The following CADM2 variants were observed in gnomAD, a reference collection of about 807,000 sequenced individuals.
CADM2 encodes the protein cell adhesion molecule 2.
In CADM2, 12 loss-of-function variants were observed where a neutral mutation model predicts 49.8. The observed-to-expected ratio is 0.24, with a 90% CI of 0.15 to 0.39. The LOEUF is 0.39. Among genes scored for constraint, CADM2 ranks in the 10% least tolerant of loss-of-function variants. The pLI is 1.00. For synonymous variants in CADM2, 214 were observed against 175.4 expected (o/e 1.22, Z -1.74); for missense variants, 378 against 492.3 (o/e 0.77, Z 2.20).
In CADM2 at chr3:85,704,613, C is replaced by A. The variant is rs146250461; in HGVS notation, c.62-21909C>A. Among the ~76,000 whole-genome samples the A allele has an allele frequency of 1.6e-4, 25 of 152,050 alleles. No individual in the cohort carries two copies. The East Asian group carries it at 4.7e-3, about 28-fold the overall frequency. ...AGGGCTCTACCTCATAACCTAATGA[C>A]CTTCTAAAGTTTCCACCTCCTAACA... On this transcript the variant is annotated intron_variant, in intron 1 of 9. Transcript: ENST00000383699.
intron 1 of CADM2, among the ~76,000 whole-genome samples, chr3:84,982,702 C>CATATGTATATATATAT (rs1177661723): frequency 7.9e-5 from 6 of 76,330 alleles, no homozygotes; most frequent in South Asian, 5.7e-4. Context: ...AACTATAAAG[C>CATATGTATATATATAT]ATATATATAT....
chr3:85,347,223 C>CAAAAAAAAAAAAA (rs11331703), intron 1 of CADM2, among the ~76,000 whole-genome samples: 8 of 46,148 alleles, frequency 1.7e-4, no homozygotes, highest in Non-Finnish European at 2.1e-4. Flanking sequence ...CTCTGTCTCA[C>CAAAAAAAAAAAAA]AAAAAAAAAA....
chr3:85,349,517 T>C (rs552577707), intron 1 of CADM2, among the ~76,000 whole-genome samples: 1 of 152,348 alleles, frequency 6.6e-6, no homozygotes, highest in Non-Finnish European at 1.5e-5. Context: ...TAACAATTTT[T>C]ACTTTCATTT....
intron 1 of CADM2, among the ~76,000 whole-genome samples, chr3:85,224,216 G>A (rs181850691): frequency 2.4e-4 from 36 of 152,164 alleles, no homozygotes; most frequent in Admixed American, 1.8e-3. Flanking sequence ...TTACATGCCC[G>A]CCAACAATGT....
chr3:85,508,720 C>A (rs2040471913), intron 1 of CADM2, among the ~76,000 whole-genome samples: 1 of 151,752 alleles, frequency 6.6e-6, no homozygotes, highest in Non-Finnish European at 1.5e-5. Flanking sequence ...ATGAATAAGC[C>A]CAGTAGTTTA....
chr3:85,897,310 C>T (rs1278312249), intron 5 of CADM2, among the ~76,000 whole-genome samples: 8 of 119,124 alleles, frequency 6.7e-5, no homozygotes, highest in Non-Finnish European at 1.1e-4. Context: ...TCGCCCAGGC[C>T]GGACTGCGGA....
intron 2 of CADM2, among the ~76,000 whole-genome samples, chr3:85,791,195 A>G (rs560294635): frequency 2.7e-4 from 41 of 152,300 alleles, no homozygotes; most frequent in South Asian, 1.7e-3. Flanking sequence ...CCTATCTCAC[A>G]TGATAGAGCA....
At chr3:85,048,173 A>G (rs1233834934) in intron 1 of CADM2, among the ~76,000 whole-genome samples, 6 of 152,180 alleles carry the variant, frequency 3.9e-5, no homozygotes, top group African/African-American at 1.4e-4. Flanking sequence ...TGGTTCACAA[A>G]TAAAGTAGTA....
At chr3:85,797,152 C>T (rs1421441105) in intron 2 of CADM2, among the ~76,000 whole-genome samples, 2 of 151,250 alleles carry the variant, frequency 1.3e-5, no homozygotes, top group East Asian at 3.9e-4. Flanking sequence ...CAGAAGTGCC[C>T]AGTTTTAGGA....
At chr3:85,317,138 G>A (rs1012694093) in intron 1 of CADM2, among the ~76,000 whole-genome samples, 2 of 150,508 alleles carry the variant, frequency 1.3e-5, no homozygotes, top group African/African-American at 4.9e-5. Context: ...TTTTTTGGGG[G>A]GATGGGGGGT....
intron 8 of CADM2, chr3:86,012,641 C>T (rs1308497794): frequency 6.5e-6 from 10 of 1,533,474 alleles, no homozygotes; most frequent in Non-Finnish European, 7.2e-6. Context: ...CCCGCGGGAC[C>T]CGGCCAGATG....
In CADM2 at chr3:86,034,607, G is replaced by A. The variant is rs143927569; in HGVS notation, c.971-30998G>A. On this transcript the variant is annotated intron_variant, in intron 8 of 9. Coordinates refer to ENST00000383699, the MANE Select transcript of CADM2 (RefSeq NM_001167675.2). ...GACTAAATGGATTAAGACAGCATCC[G>A]TGTACTGATTACATTAAACCTCTAT... Among the ~76,000 whole-genome samples the A allele has an allele frequency of 5.5e-3, 835 of 152,116 alleles. 29 individuals carry two copies. Among genetic ancestry groups the A allele is most frequent in the Admixed American group, 0.049 (747 of 15,228 alleles).
chr3:85,297,513 G>A lies in CADM2; in HGVS notation c.61+337845G>A, dbSNP rs114440505. 2.3e-3 allele frequency among the ~76,000 whole-genome samples: 345 copies of A among 152,160 alleles called. 2 individuals carry two copies. The highest frequency in any genetic ancestry group is 8.0e-3 in the African/African-American group (331 of 41,530). ...CACAGTGCCTGTAATAAGATAGGAA[G>A]GATTCAGGAAGAACTGGACAGGGTA... On this transcript the variant is annotated intron_variant, in intron 1 of 9. Transcript: ENST00000383699.
At chr3:85,798,036 G>T (rs915547232) in intron 2 of CADM2, among the ~76,000 whole-genome samples, 9 of 151,940 alleles carry the variant, frequency 5.9e-5, no homozygotes, top group Admixed American at 3.9e-4. Flanking sequence ...TTTTTCATAT[G>T]TTTATTGGAT....
At chr3:85,318,101 C>T (rs818213) in intron 1 of CADM2, among the ~76,000 whole-genome samples, 7,146 of 149,820 alleles carry the variant, frequency 0.048, 472 homozygotes, top group African/African-American at 0.15. Flanking sequence ...GCCCCAGAGG[C>T]GGAGGTTGCA....
intron 1 of CADM2, among the ~76,000 whole-genome samples, chr3:85,119,922 T>C (rs1343837670): frequency 6.6e-6 from 1 of 152,120 alleles, no homozygotes; most frequent in Non-Finnish European, 1.5e-5. Context: ...GGAGAAAATT[T>C]TTGCAATCTA....
intron 8 of CADM2, among the ~76,000 whole-genome samples, chr3:86,064,262 G>T (rs1177789627): frequency 6.6e-6 from 1 of 152,004 alleles, no homozygotes; most frequent in East Asian, 1.9e-4. Context: ...GTGCCCAAGT[G>T]TTCTCATTGT....
intron 7 of CADM2, among the ~76,000 whole-genome samples, chr3:85,957,138 G>A (rs575308693): frequency 2.0e-5 from 3 of 151,480 alleles, no homozygotes; most frequent in African/African-American, 4.8e-5. Context: ...AGATGTTAAC[G>A]ATGTACATAG....
intron 1 of CADM2, among the ~76,000 whole-genome samples, chr3:85,458,358 A>G (rs2038090725): frequency 6.6e-6 from 1 of 152,190 alleles, no homozygotes; most frequent in Non-Finnish European, 1.5e-5. Flanking sequence ...TGGGAAGGAT[A>G]TCTTTGAATA....
Sources: allele counts gnomAD v4.1 joint callset (sites outside exome capture counted in the v4.1 genomes callset), GRCh38; gene constraint gnomAD v4.1.1; transcripts MANE v1.5; gene names NCBI Gene and HGNC (gene_info 2026-07-23, HGNC 2026-07-21).